PAQR5: variants seen among roughly 807,000 people sequenced by gnomAD.
PAQR5 encodes the protein progestin and adipoQ receptor family member 5.
PAQR5 carries 20 observed loss-of-function variants against 34.5 expected under a neutral mutation model. The ratio of observed to expected loss-of-function variants is 0.58; its 90% CI spans 0.41 to 0.84. The LOEUF (loss-of-function observed/expected upper bound fraction) is 0.84. Ranked by LOEUF, PAQR5 falls within the 40% of genes least tolerant of loss-of-function variation. The probability of loss-of-function intolerance (pLI) is 0.00; values close to 1 mark genes in which losing one functional copy is unlikely to be tolerated. For synonymous variants in PAQR5, 131 were observed against 155.6 expected, an observed-to-expected ratio of 0.84 and a Z score of 1.18; for missense variants, 378 against 412.7, an observed-to-expected ratio of 0.92 and a Z score of 0.73.
intron 1 of PAQR5, among the ~76,000 whole-genome samples, chr15:69,305,592 G>A (rs76311754): frequency 0.24 from 36,214 of 151,744 alleles, 5,017 homozygotes; most frequent in East Asian, 0.36. Flanking sequence ...TCCAGTGCGG[G>A]GCAGCGTGGT....
At chr15:69,380,128 C>G in intron 4 of PAQR5, 118 bp downstream of exon 4, 1 of 1,132,928 alleles carries the variant, frequency 8.8e-7, no homozygotes, top group Non-Finnish European at 1.3e-6. Flanking sequence ...TGGGGATCCC[C>G]CGTGGGTACA....
intron 1 of PAQR5, among the ~76,000 whole-genome samples, chr15:69,308,731 A>C (rs1198239029): frequency 1.3e-5 from 2 of 152,076 alleles, no homozygotes; most frequent in Non-Finnish European, 2.9e-5. Flanking sequence ...GCAGGGGTGG[A>C]GAGTGGAGGA....
intron 1 of PAQR5, among the ~76,000 whole-genome samples, chr15:69,329,212 C>A (rs945548188): frequency 6.6e-6 from 1 of 152,146 alleles, no homozygotes; most frequent in African/African-American, 2.4e-5. Context: ...GTGACACACA[C>A]ACATATACAC....
At chr15:69,324,129 CAAAAAA>C (rs55634756) in intron 1 of PAQR5, among the ~76,000 whole-genome samples, 8 of 135,486 alleles carry the variant, frequency 5.9e-5, no homozygotes, top group African/African-American at 8.3e-5. Flanking sequence ...ATAGCTAGGG[CAAAAAA>C]AAAAAAAAAG....
chr15:69,378,597 C>T (rs1362649942), intron 3 of PAQR5, among the ~76,000 whole-genome samples: 1 of 151,904 alleles, frequency 6.6e-6, no homozygotes, highest in Non-Finnish European at 1.5e-5. Flanking sequence ...CCCTCACAGC[C>T]CTAGAAATTC....
intron 3 of PAQR5, among the ~76,000 whole-genome samples, chr15:69,378,080 T>G (rs112581277): frequency 0.01 from 1,521 of 151,724 alleles, 27 homozygotes; most frequent in African/African-American, 0.035. Context: ...CTGGGCAACA[T>G]GATGAAACCC....
chr15:69,370,103 G>A (rs375638038), intron 3 of PAQR5, among the ~76,000 whole-genome samples: 10 of 152,216 alleles, frequency 6.6e-5, no homozygotes, highest in South Asian at 6.2e-4. Flanking sequence ...ACCATCATTC[G>A]GCCAGAACTG....
intron 1 of PAQR5, among the ~76,000 whole-genome samples, chr15:69,306,786 A>C (rs36032443): frequency 0.49 from 75,045 of 151,900 alleles, 20,373 homozygotes; most frequent in African/African-American, 0.73. Context: ...ATCCATCTCC[A>C]TACCTTTTTA....
chr15:69,316,094 T>A (rs1349951897), intron 1 of PAQR5, among the ~76,000 whole-genome samples: 1 of 152,168 alleles, frequency 6.6e-6, no homozygotes, highest in Non-Finnish European at 1.5e-5. Context: ...ATTTTTTTAT[T>A]TTTTTGAAAC....
chr15:69,335,698 A>C (rs997320530), intron 1 of PAQR5, among the ~76,000 whole-genome samples: 3 of 151,904 alleles, frequency 2.0e-5, no homozygotes, highest in East Asian at 3.9e-4. Flanking sequence ...TTACAGATGC[A>C]TGCCACCCTT....
At chr15:69,351,324 G>A (rs1365592021) in intron 2 of PAQR5, among the ~76,000 whole-genome samples, 1 of 152,266 alleles carries the variant, frequency 6.6e-6, no homozygotes, top group East Asian at 1.9e-4. Context: ...GCCAAAGACA[G>A]ATGGATCCTG....
intron 2 of PAQR5, among the ~76,000 whole-genome samples, chr15:69,358,057 A>T (rs2055126172): frequency 6.6e-6 from 1 of 152,160 alleles, no homozygotes; most frequent in Non-Finnish European, 1.5e-5. Flanking sequence ...CCTCTGACTG[A>T]TGAGGACTAT....
intron 1 of PAQR5, among the ~76,000 whole-genome samples, chr15:69,319,760 G>A (rs773711290): frequency 6.6e-6 from 1 of 152,142 alleles, no homozygotes; most frequent in Non-Finnish European, 1.5e-5. Flanking sequence ...GCATGCGGGT[G>A]CTTGCCTCTG....
chr15:69,359,502 A>C (rs1200369509), intron 2 of PAQR5, among the ~76,000 whole-genome samples: 1 of 152,080 alleles, frequency 6.6e-6, no homozygotes, highest in African/African-American at 2.4e-5. Context: ...TTGATCGAGC[A>C]GGGGGTATGT....
At chr15:69,322,851 GAATTATTTCATC>G (rs1187051674) in intron 1 of PAQR5, among the ~76,000 whole-genome samples, 3 of 149,018 alleles carry the variant, frequency 2.0e-5, no homozygotes, top group African/African-American at 5.0e-5. Flanking sequence ...AGAAGAAGAG[GAATTATTTCATC>G]AAGAAGAGAA....
chr15:69,300,306 A>C (rs1320376267), intron 1 of PAQR5, among the ~76,000 whole-genome samples: 1 of 152,014 alleles, frequency 6.6e-6, no homozygotes, highest in Non-Finnish European at 1.5e-5. Flanking sequence ...CCCTGCAGGG[A>C]CCTGCTTTGT....
chr15:69,381,452 A>G (rs2055882040), intron 4 of PAQR5, among the ~76,000 whole-genome samples: 1 of 152,330 alleles, frequency 6.6e-6, no homozygotes, highest in Middle Eastern at 3.4e-3. Flanking sequence ...TGGATGAATC[A>G]TGGTTGATTT....
intron 1 of PAQR5, among the ~76,000 whole-genome samples, chr15:69,308,864 C>A (rs1427805155): frequency 6.6e-6 from 1 of 151,866 alleles, no homozygotes; most frequent in Non-Finnish European, 1.5e-5. Flanking sequence ...TTTGATTAGG[C>A]AAGCAGTGGT....
Position 69,373,568 on chromosome 15 carries a change from G to A in PAQR5, c.52-6315G>A, listed in dbSNP as rs142527992. Among the ~76,000 whole-genome samples, 315 of 152,138 alleles carry A rather than the reference G, an allele frequency of 2.1e-3. 1 individual carries two copies. The highest frequency in any genetic ancestry group is 7.4e-3 in the African/African-American group (307 of 41,518). On this transcript the variant is annotated intron_variant, in intron 3 of 8. Transcript: ENST00000395407. ...CGTCTATAATGCTAGTCATTCAATGGGACTTTTCTTCTCTAGCACACACTA... is the reference window on the plus strand; with the variant it reads ...CGTCTATAATGCTAGTCATTCAATGAGACTTTTCTTCTCTAGCACACACTA...
Sources: gnomAD v4.1 joint callset for allele counts (sites outside exome capture counted in the v4.1 genomes callset) on GRCh38, gnomAD v4.1.1 for gene constraint, MANE v1.5 for transcripts, NCBI Gene and HGNC (gene_info 2026-07-23, HGNC 2026-07-21) for gene names.